The following CACNB2 variants were observed in gnomAD, a reference collection of about 807,000 sequenced individuals.
CACNB2 encodes the protein voltage-dependent L-type calcium channel subunit beta-2.
CACNB2 carries 42 observed loss-of-function variants against 73.3 expected under a neutral mutation model. The ratio of observed to expected loss-of-function variants is 0.57; its 90% confidence interval spans 0.45 to 0.74. The LOEUF is 0.74. CACNB2 is among the 30% of genes least tolerant of loss of function. The pLI is 0.00. For missense variants in CACNB2, 940 were observed against 853.0 expected (o/e 1.10, Z -1.27); for synonymous variants, 348 against 310.3 (o/e 1.12, Z -1.28).
chr10:18,235,533 A>G (rs901182304), intron 2 of CACNB2, among the ~76,000 whole-genome samples: 1 of 150,656 alleles, frequency 6.6e-6, no homozygotes, highest in Non-Finnish European at 1.5e-5. Context: ...TAATAATAAA[A>G]CAACACAGTT....
At chr10:18,195,978 T>C (rs1339760426) in intron 2 of CACNB2, among the ~76,000 whole-genome samples, 1 of 152,176 alleles carries the variant, frequency 6.6e-6, no homozygotes, top group Non-Finnish European at 1.5e-5. Flanking sequence ...TTTATTTCTC[T>C]CTCTGTGAAT....
intron 9 of CACNB2, 60 bp from the exon 10 acceptor site, chr10:18,527,528 T>C (rs1361508661): frequency 5.6e-6 from 6 of 1,064,664 alleles, no homozygotes; most frequent in Non-Finnish European, 8.8e-6. Flanking sequence ...GGCATACACT[T>C]CTATCCCCTT....
At chr10:18,445,818 G>A (rs78210955) in intron 3 of CACNB2, among the ~76,000 whole-genome samples, 4,478 of 152,308 alleles carry the variant, frequency 0.029, 244 homozygotes, top group African/African-American at 0.1. Context: ...CAGATCACAT[G>A]ACGTCAGAAG....
At chr10:18,147,689 A>G (rs1276020229) in intron 1 of CACNB2, among the ~76,000 whole-genome samples, 1 of 152,132 alleles carries the variant, frequency 6.6e-6, no homozygotes, top group Non-Finnish European at 1.5e-5. Context: ...CACTTGAAGT[A>G]GCAAATTAAC....
chr10:18,177,483 T>C (rs1353489505), intron 2 of CACNB2, among the ~76,000 whole-genome samples: 1 of 102,894 alleles, frequency 9.7e-6, no homozygotes, highest in African/African-American at 3.8e-5. Context: ...AAAAAAAAAA[T>C]AGCTGGGTGT....
At chr10:18,246,934 C>G (rs947286778) in intron 2 of CACNB2, among the ~76,000 whole-genome samples, 2 of 152,042 alleles carry the variant, frequency 1.3e-5, no homozygotes, top group South Asian at 4.1e-4. Flanking sequence ...TTAAACCTAG[C>G]CCGAATAAGT....
chr10:18,447,810 G>T (rs1316246227), intron 3 of CACNB2, among the ~76,000 whole-genome samples: 2 of 151,654 alleles, frequency 1.3e-5, no homozygotes, highest in Non-Finnish European at 2.9e-5. Flanking sequence ...AAGTTTAGAG[G>T]AAGAACAAGA....
chr10:18,400,565 C>T, intron 2 of CACNB2: 2 of 1,021,200 alleles, frequency 2.0e-6, no homozygotes, highest in Middle Eastern at 9.9e-4. Context: ...CCGCCTCCCC[C>T]CTCCCCCTCG....
rs1055969883 is a variant in CACNB2, at chr10:18,453,033, T to C, written c.334-45322T>C. Among the ~76,000 whole-genome samples, 54 of 152,352 alleles carry C rather than the reference T, an allele frequency of 3.5e-4. 1 individual carries two copies. The highest frequency in any genetic ancestry group is 4.6e-4 in the Admixed American group (7 of 15,302). On this transcript the variant is annotated intron_variant, in intron 3 of 13. Transcript: ENST00000324631. ...GCCGAAAGCATCCTCGATTCCTCTCTGTTTCTCTCCCCTGCTCAGATGATC... is the reference window on the plus strand; with the variant it reads ...GCCGAAAGCATCCTCGATTCCTCTCCGTTTCTCTCCCCTGCTCAGATGATC...
At chr10:18,406,718 A>T (rs1409401766) in intron 3 of CACNB2, among the ~76,000 whole-genome samples, 2 of 152,218 alleles carry the variant, frequency 1.3e-5, no homozygotes, top group Admixed American at 6.5e-5. Flanking sequence ...AATAAAGTGC[A>T]CAATCAATGT....
chr10:18,519,065 TG>T (rs1217429871), intron 9 of CACNB2, 97 bp downstream of exon 9: 2 of 959,704 alleles, frequency 2.1e-6, no homozygotes, highest in Non-Finnish European at 3.4e-6. Flanking sequence ...AATGGCCCTC[TG>T]ATGTCTATAT....
At chr10:18,403,130 T>C (rs2044095085) in intron 3 of CACNB2, among the ~76,000 whole-genome samples, 1 of 152,196 alleles carries the variant, frequency 6.6e-6, no homozygotes, top group African/African-American at 2.4e-5. Flanking sequence ...TTACCTCGCC[T>C]GGCAGGGAAA....
At chr10:18,166,268 T>G (rs1273175950) in intron 2 of CACNB2, among the ~76,000 whole-genome samples, 3 of 152,174 alleles carry the variant, frequency 2.0e-5, no homozygotes, top group Non-Finnish European at 4.4e-5. Flanking sequence ...TATGAGGATT[T>G]TTTTTTTGAG....
At chr10:18,492,636 A>AG (rs2049518509) in intron 3 of CACNB2, among the ~76,000 whole-genome samples, 1 of 129,896 alleles carries the variant, frequency 7.7e-6, no homozygotes, top group Non-Finnish European at 1.5e-5. Context: ...AAAAAAAAAA[A>AG]AAGAAAAAAA....
chr10:18,536,038 A>G, intron 11 of CACNB2, 63 bp from the exon 12 acceptor site: 1 of 968,556 alleles, frequency 1.0e-6, no homozygotes. Flanking sequence ...GGAGTCAATA[A>G]TGTACCTTGT....
intron 2 of CACNB2, among the ~76,000 whole-genome samples, chr10:18,358,385 G>A (rs1018155937): frequency 5.3e-5 from 8 of 152,114 alleles, no homozygotes; most frequent in African/African-American, 1.7e-4. Flanking sequence ...ACCATGCCTG[G>A]CCCATCTATT....
At chr10:18,337,763 A>C (rs1386443323) in intron 2 of CACNB2, among the ~76,000 whole-genome samples, 1 of 152,178 alleles carries the variant, frequency 6.6e-6, no homozygotes, top group Non-Finnish European at 1.5e-5. Flanking sequence ...ACCTGCATAA[A>C]ATATATAGTA....
chr10:18,177,187 A>G (rs1409197003), intron 2 of CACNB2, among the ~76,000 whole-genome samples: 1 of 152,174 alleles, frequency 6.6e-6, no homozygotes, highest in Admixed American at 6.5e-5. Flanking sequence ...TAAACCAAAA[A>G]GTGACTGAAG....
intron 3 of CACNB2, among the ~76,000 whole-genome samples, chr10:18,465,318 A>G (rs2047818911): frequency 6.6e-6 from 1 of 152,222 alleles, no homozygotes; most frequent in African/African-American, 2.4e-5. Context: ...CGACAAAGCA[A>G]GACTCTGTCT....
Sources: allele counts gnomAD v4.1 joint callset (sites outside exome capture counted in the v4.1 genomes callset), GRCh38; gene constraint gnomAD v4.1.1; transcripts MANE v1.5; gene names NCBI Gene and HGNC (gene_info 2026-07-23, HGNC 2026-07-21).